Variants in SEMA3A observed in about 807,000 individuals in gnomAD.
SEMA3A encodes semaphorin-3A.
SEMA3A carries 29 observed loss-of-function variants against 97.9 expected under a neutral mutation model. The ratio of observed to expected loss-of-function variants is 0.30; its 90% CI spans 0.22 to 0.40. The LOEUF (loss-of-function observed/expected upper bound fraction) is 0.40. Ranked by LOEUF, SEMA3A falls within the 10% of genes least tolerant of loss-of-function variation. The probability of loss-of-function intolerance (pLI) is 1.00; values close to 1 mark genes in which losing one functional copy is unlikely to be tolerated. For synonymous variants in SEMA3A, 321 were observed against 323.7 expected, an observed-to-expected ratio of 0.99 and a Z score of 0.09; for missense variants, 763 against 951.3, an observed-to-expected ratio of 0.80 and a Z score of 2.60.
At chr7:83,999,904 C>A (rs888007390) in intron 12 of SEMA3A, among the ~76,000 whole-genome samples, 2 of 152,086 alleles carry the variant, frequency 1.3e-5, no homozygotes, top group Admixed American at 1.3e-4. Flanking sequence ...AGGATGATAA[C>A]TTGTGACTGT....
intron 4 of SEMA3A, among the ~76,000 whole-genome samples, chr7:84,064,220 G>C (rs889547651): frequency 1.3e-5 from 2 of 151,996 alleles, no homozygotes; most frequent in African/African-American, 4.8e-5. Context: ...AGCAAATGCT[G>C]AGAGATTTTG....
At chr7:84,235,961 C>A (rs1166094724) in intron 3 of SEMA3A, among the ~76,000 whole-genome samples, 2 of 152,046 alleles carry the variant, frequency 1.3e-5, no homozygotes, top group Non-Finnish European at 2.9e-5. Flanking sequence ...AATCTATTTT[C>A]CTCCCACAAC....
intron 4 of SEMA3A, among the ~76,000 whole-genome samples, chr7:84,101,305 C>T (rs1472511894): frequency 1.3e-5 from 2 of 152,080 alleles, no homozygotes; most frequent in Non-Finnish European, 2.9e-5. Context: ...TGGATGCAAA[C>T]AAAGCTATGA....
intron 1 of SEMA3A, among the ~76,000 whole-genome samples, chr7:84,397,157 A>G (rs1045781077): frequency 2.1e-4 from 32 of 152,080 alleles, no homozygotes; most frequent in African/African-American, 7.7e-4. Context: ...ACCTAAGGCT[A>G]TTGTGTATGC....
In SEMA3A at chr7:84,490,001, A is replaced by G. The variant is rs570661778; in HGVS notation, c.-246+2459T>C. Among the ~76,000 whole-genome samples the G allele has an allele frequency of 7.9e-5, 12 of 152,072 alleles. No homozygotes were observed. The East Asian group carries it at 2.3e-3, about 29-fold the overall frequency. On this transcript the variant is annotated intron_variant, in intron 1 of 3. Transcript: ENST00000424555. Reference sequence around the variant, plus strand: ...GTATTCTTTAATTACTTATATTGCAATCTTATTTGAAAACATGTATAGATA... The same window carrying G: ...GTATTCTTTAATTACTTATATTGCAGTCTTATTTGAAAACATGTATAGATA...
At chr7:84,376,770 T>C (rs188403733) in intron 1 of SEMA3A, among the ~76,000 whole-genome samples, 60 of 152,232 alleles carry the variant, frequency 3.9e-4, no homozygotes, top group African/African-American at 1.4e-3. Context: ...CATTTGTTCA[T>C]ATATTTTTAT....
At position 83,961,698 on chromosome 7, in the gene SEMA3A, T is replaced by C; in HGVS notation, c.1989A>G (p.Val663=). The change falls in exon 17 of 17, where the codon GTA becomes GTG. Residue 663 remains valine (V), a synonymous_variant. Coordinates refer to ENST00000265362, the MANE Select transcript of SEMA3A (RefSeq NM_006080.3). ...GCTCTGTGTCAATGACTTCCAGGGT[T>C]ACCTTAAGAAGAGTTTGTATGAACC... ...EHGFIQTLLK[V]TLEVIDTEHL... The C allele has an allele frequency of 6.2e-7, 1 of 1,613,722 alleles. No homozygotes were observed. The highest frequency in any genetic ancestry group is 8.5e-7 in the Non-Finnish European group (1 of 1,179,856).
At chr7:84,379,217 G>A (rs182696230) in intron 1 of SEMA3A, among the ~76,000 whole-genome samples, 10 of 152,150 alleles carry the variant, frequency 6.6e-5, no homozygotes, top group Admixed American at 1.3e-4. Flanking sequence ...GTGAGCCACC[G>A]TGCCCAGCCG....
chr7:84,236,954 T>C (rs1319454528), intron 3 of SEMA3A, among the ~76,000 whole-genome samples: 5 of 152,114 alleles, frequency 3.3e-5, no homozygotes, highest in Non-Finnish European at 4.4e-5. Flanking sequence ...CAGTAAGTGA[T>C]ATACTTAAAG....
intron 3 of SEMA3A, among the ~76,000 whole-genome samples, chr7:84,123,438 C>T (rs770238860): frequency 9.9e-5 from 15 of 151,920 alleles, no homozygotes; most frequent in Non-Finnish European, 1.3e-4. Flanking sequence ...CATTTCACTA[C>T]TCTAATGCTA....
Position 84,481,169 on chromosome 7 carries a change from A to G in SEMA3A, c.-246+11291T>C, listed in dbSNP as rs141804782. Among the ~76,000 whole-genome samples, 60 of 152,284 alleles carry G rather than the reference A, an allele frequency of 3.9e-4. No individual in the cohort carries two copies. In the East Asian group the frequency reaches 9.3e-3, roughly 24 times the overall value. ...AGCTCCAAAGGCTTCTAAGTAAAGAAAGATACAACTTAATGGTGGGGTTGA... is the reference window on the plus strand; with the variant it reads ...AGCTCCAAAGGCTTCTAAGTAAAGAGAGATACAACTTAATGGTGGGGTTGA... On this transcript the variant is annotated intron_variant, in intron 1 of 3. Coordinates refer to the SEMA3A transcript ENST00000424555.
At chr7:84,342,240 G>C (rs1802189331) in intron 2 of SEMA3A, among the ~76,000 whole-genome samples, 1 of 152,042 alleles carries the variant, frequency 6.6e-6, no homozygotes, top group African/African-American at 2.4e-5. Flanking sequence ...TCTCCATGTT[G>C]GTCAGGTTGG....
chr7:84,070,401 TG>T (rs1322803677), intron 4 of SEMA3A, among the ~76,000 whole-genome samples: 7 of 152,136 alleles, frequency 4.6e-5, no homozygotes, highest in Non-Finnish European at 1.0e-4. Context: ...TATAAACCAT[TG>T]GTGACTTCAT....
chr7:84,093,924 TAA>T (rs34607045), intron 4 of SEMA3A, among the ~76,000 whole-genome samples: 4 of 146,606 alleles, frequency 2.7e-5, no homozygotes, highest in Admixed American at 1.4e-4. Flanking sequence ...TCCTAGAACT[TAA>T]AAAAAAAAAA....
chr7:84,310,561 T>C (rs1207899156), intron 2 of SEMA3A, among the ~76,000 whole-genome samples: 1 of 152,134 alleles, frequency 6.6e-6, no homozygotes, highest in Non-Finnish European at 1.5e-5. Context: ...ATTTCTTTTC[T>C]TTGATCCTGG....
rs938105982 is a variant in SEMA3A, at chr7:84,370,072, C to T, written c.-169+1752G>A. 8.6e-5 allele frequency among the ~76,000 whole-genome samples: 13 copies of T among 151,232 alleles called. No homozygotes were observed. In the East Asian group the frequency reaches 9.7e-4, roughly 11 times the overall value. ...AATGAATAGGTTAACCTGATTGAAG[C>T]GCAACATTTTAATGGGCATAAGTAG... is the stretch of plus-strand genomic sequence containing the variant. On this transcript the variant is annotated intron_variant, in intron 2 of 3. Transcript: ENST00000424555.
At chr7:84,229,122 G>T (rs1799058880) in intron 3 of SEMA3A, among the ~76,000 whole-genome samples, 1 of 151,732 alleles carries the variant, frequency 6.6e-6, no homozygotes, top group Admixed American at 6.6e-5. Flanking sequence ...CATGGATATA[G>T]TTTTACAAGG....
chr7:84,338,849 T>A (rs1392224355), intron 2 of SEMA3A, among the ~76,000 whole-genome samples: 1 of 152,168 alleles, frequency 6.6e-6, no homozygotes, highest in Admixed American at 6.6e-5. Context: ...AAGTTTTAAG[T>A]ATTAAGTGAA....
At position 84,150,983 on chromosome 7, in the gene SEMA3A, G is replaced by A. The variant is rs544528669; in HGVS notation, c.113-16032C>T. On this transcript the variant is annotated intron_variant, in intron 1 of 16. Transcript: ENST00000265362. ...AGGCACCCCCCAGCAGGGGCACACT[G>A]ACACCTCACACTGCAGGGTACTCCA... 3.2e-3 allele frequency among the ~76,000 whole-genome samples: 477 copies of A among 148,968 alleles called. 7 individuals are homozygous for A. Among genetic ancestry groups the A allele is most frequent in the Non-Finnish European group, 4.5e-3 (302 of 66,854 alleles).
Sources: allele counts gnomAD v4.1 joint callset (sites outside exome capture counted in the v4.1 genomes callset), GRCh38; gene constraint gnomAD v4.1.1; transcripts MANE v1.5; gene names NCBI Gene and HGNC (gene_info 2026-07-23, HGNC 2026-07-21).